Variants in DNAJC8 observed in about 807,000 individuals in gnomAD.
DNAJC8 encodes dnaJ homolog subfamily C member 8.
Under a neutral mutation model 43.2 loss-of-function variants are expected in DNAJC8, and 24 were observed. The observed-to-expected ratio is 0.56, with a 90% confidence interval of 0.40 to 0.78. The LOEUF is 0.78. Ranked by LOEUF, DNAJC8 falls within the 30% of genes least tolerant of loss-of-function variation. The pLI is 0.00. For synonymous variants in DNAJC8, 83 were observed against 98.0 expected (o/e 0.85, Z 0.90); for missense variants, 207 against 299.4 (o/e 0.69, Z 2.28).
At chr1:28,203,606 G>A in intron 8 of DNAJC8, 141 bp downstream of exon 8, 1 of 800,174 alleles carries the variant, frequency 1.2e-6, no homozygotes, top group East Asian at 2.6e-5. Context: ...GCTGAGGCAG[G>A]CCCAGCCTCA....
chr1:28,212,168 AATATATATAT>A lies in DNAJC8; in HGVS notation c.238-1541_238-1532del, dbSNP rs201782610. Among the ~76,000 whole-genome samples, 61 of 31,014 alleles carry A rather than the reference AATATATATAT, an allele frequency of 2.0e-3. 1 individual carries two copies. The highest frequency in any genetic ancestry group is 0.01 in the South Asian group (7 of 696). 20.3% of individuals were successfully genotyped at this position (31,014 alleles called of 152,430 possible). ...CGGACTCCGTCTCAATAAATAAATA[AATATATATAT>A]ATATATATATATATATATATATATA... On this transcript the variant is annotated intron_variant, in intron 3 of 8. Transcript: ENST00000263697.
intron 3 of DNAJC8, among the ~76,000 whole-genome samples, chr1:28,214,720 A>G (rs1646839176): frequency 6.6e-6 from 1 of 152,106 alleles, no homozygotes; most frequent in African/African-American, 2.4e-5. Context: ...CAGAGATTCT[A>G]TTTGGATATA....
chr1:28,220,633 A>G (rs1646892241), intron 2 of DNAJC8, among the ~76,000 whole-genome samples: 1 of 152,194 alleles, frequency 6.6e-6, no homozygotes, highest in Non-Finnish European at 1.5e-5. Flanking sequence ...CAGAGACCTA[A>G]TCACCTCTTA....
At chr1:28,232,868 A>G (rs1210502023) in intron 1 of DNAJC8, 53 bp downstream of exon 1, 2 of 1,591,398 alleles carry the variant, frequency 1.3e-6, no homozygotes, top group South Asian at 2.2e-5. Flanking sequence ...CCACTGGGAA[A>G]GCAGATCCGG....
intron 1 of DNAJC8, among the ~76,000 whole-genome samples, chr1:28,232,086 C>G (rs1357610420): frequency 1.3e-5 from 2 of 151,260 alleles, no homozygotes. Flanking sequence ...TTTTTTCCTT[C>G]TTTTTAAAGA....
intron 3 of DNAJC8, among the ~76,000 whole-genome samples, chr1:28,212,499 C>T (rs1646822044): frequency 6.6e-6 from 1 of 151,236 alleles, no homozygotes; most frequent in African/African-American, 2.4e-5. Flanking sequence ...CCAGGCTGGT[C>T]ACGAACTCCT....
At position 28,214,964 on chromosome 1, in the gene DNAJC8, T is replaced by C. The variant is rs202053978; in HGVS notation, c.213A>G (p.Glu71=). The part of the protein sequence containing the change: ...VLQIDPEVTD[E]EIKKRFRQLS... ...CCTGCCGAAACCTCTTTTTTATTTC[T>C]TCATCTGTAACTTCAGGATCTATCT... Residue 71 remains glutamate (E), a synonymous_variant, in exon 3 of 9, where the codon GAA becomes GAG. Coordinates refer to ENST00000263697, the MANE Select transcript of DNAJC8 (RefSeq NM_014280.3). 2.8e-4 allele frequency: 456 copies of C among 1,609,216 alleles called. 1 individual carries two copies. The African/African-American group carries it at 5.6e-3, about 20-fold the overall frequency.
At chr1:28,231,661 G>T (rs1021687774) in intron 1 of DNAJC8, among the ~76,000 whole-genome samples, 2 of 151,924 alleles carry the variant, frequency 1.3e-5, no homozygotes, top group African/African-American at 4.8e-5. Flanking sequence ...GTTGCAGTGG[G>T]CCAAGATCGT....
chr1:28,207,982 G>A (rs1034731951), intron 6 of DNAJC8, among the ~76,000 whole-genome samples: 24 of 152,014 alleles, frequency 1.6e-4, no homozygotes, highest in African/African-American at 4.6e-4. Flanking sequence ...CAAGGCAGGC[G>A]GATCATCTGA....
intron 2 of DNAJC8, among the ~76,000 whole-genome samples, chr1:28,227,752 A>C (rs1646946738): frequency 6.6e-6 from 1 of 152,128 alleles, no homozygotes; most frequent in South Asian, 2.1e-4. Context: ...CTCTTTAAAA[A>C]AGAAAAAGAA....
In DNAJC8 at chr1:28,233,008, C is replaced by A; in HGVS notation, c.-10G>T. 6.2e-7 allele frequency: 1 copy of A among 1,611,032 alleles called. No homozygotes were observed. Among genetic ancestry groups the A allele is most frequent in the Non-Finnish European group, 8.5e-7 (1 of 1,179,980 alleles). Reference sequence around the variant, plus strand: ...CTCCTGAAGCCGCCATTTCCCCGGCCCAGCCACCACGTGACCCTTCTGCGC... The same window carrying A: ...CTCCTGAAGCCGCCATTTCCCCGGCACAGCCACCACGTGACCCTTCTGCGC... On this transcript the variant is annotated 5_prime_UTR_variant, in exon 1 of 9. Coordinates refer to ENST00000263697, the MANE Select transcript of DNAJC8 (RefSeq NM_014280.3).
intron 1 of DNAJC8, among the ~76,000 whole-genome samples, chr1:28,230,929 G>A (rs1031041161): frequency 2.6e-5 from 4 of 152,196 alleles, no homozygotes; most frequent in Middle Eastern, 3.2e-3. Context: ...GCCTGCTGGG[G>A]GGCAACTCCA....
At chr1:28,213,249 CTTA>C (rs1225781673) in intron 3 of DNAJC8, among the ~76,000 whole-genome samples, 4 of 152,018 alleles carry the variant, frequency 2.6e-5, no homozygotes, top group Non-Finnish European at 5.9e-5. Flanking sequence ...ATTCTTAACT[CTTA>C]TTATTTATGT....
At chr1:28,204,121 T>C (rs148100131) in intron 7 of DNAJC8, among the ~76,000 whole-genome samples, 3 of 152,296 alleles carry the variant, frequency 2.0e-5, no homozygotes, top group African/African-American at 7.2e-5. Context: ...GACAAAGCTA[T>C]GTCGAGAACA....
chr1:28,229,705 CAG>C (rs1646960795), intron 1 of DNAJC8, among the ~76,000 whole-genome samples: 1 of 150,148 alleles, frequency 6.7e-6, no homozygotes, highest in South Asian at 2.1e-4. Context: ...ACCCCAGGGA[CAG>C]AGGTTGCAGT....
chr1:28,204,240 A>G (rs1646754739), intron 7 of DNAJC8, among the ~76,000 whole-genome samples: 1 of 152,210 alleles, frequency 6.6e-6, no homozygotes, highest in East Asian at 1.9e-4. Context: ...TCAACTAGCA[A>G]ATTTTAGTTA....
intron 1 of DNAJC8, among the ~76,000 whole-genome samples, chr1:28,231,347 A>ATAAAT (rs1304147997): frequency 2.0e-5 from 3 of 152,216 alleles, no homozygotes; most frequent in Non-Finnish European, 2.9e-5. Context: ...CTCAAAATAA[A>ATAAAT]TAAATTAAAT....
intron 8 of DNAJC8, among the ~76,000 whole-genome samples, chr1:28,202,087 T>C (rs1646737958): frequency 6.6e-6 from 1 of 151,690 alleles, no homozygotes; most frequent in South Asian, 2.1e-4. Context: ...CAAAACTCCG[T>C]CTCAAAAAAA....
intron 2 of DNAJC8, among the ~76,000 whole-genome samples, chr1:28,221,960 T>C (rs1179343679): frequency 6.6e-6 from 1 of 152,098 alleles, no homozygotes; most frequent in East Asian, 1.9e-4. Context: ...ACCCAAGACA[T>C]TGTACTAGAT....
Sources: gnomAD v4.1 joint callset for allele counts (sites outside exome capture counted in the v4.1 genomes callset) on GRCh38, gnomAD v4.1.1 for gene constraint, MANE v1.5 for transcripts, NCBI Gene and HGNC (gene_info 2026-07-23, HGNC 2026-07-21) for gene names.